SPATS2L: variants seen among roughly 807,000 people sequenced by gnomAD.
SPATS2L encodes SPATS2-like protein.
In SPATS2L, 30 loss-of-function variants were observed where a neutral mutation model predicts 59.6. That is an observed-to-expected ratio of 0.50 (90% confidence interval 0.38 to 0.68). The LOEUF (loss-of-function observed/expected upper bound fraction) is 0.68. Ranked by LOEUF, SPATS2L falls within the 30% of genes least tolerant of loss-of-function variation. The probability of loss-of-function intolerance (pLI) is 0.00; values close to 1 mark genes in which losing one functional copy is unlikely to be tolerated. For synonymous variants in SPATS2L, 252 were observed against 263.5 expected, an observed-to-expected ratio of 0.96 and a Z score of 0.42; for missense variants, 615 against 700.0, an observed-to-expected ratio of 0.88 and a Z score of 1.37.
intron 4 of SPATS2L, among the ~76,000 whole-genome samples, chr2:200,414,916 C>T (rs886307638): frequency 2.6e-5 from 4 of 152,120 alleles, no homozygotes; most frequent in African/African-American, 9.7e-5. Flanking sequence ...GTTGTGAAAG[C>T]AATAAGCAAC....
At position 200,329,320 on chromosome 2, in the gene SPATS2L, C is replaced by T. The variant is rs1424156338; in HGVS notation, c.-72-111C>T. 6 of 890,644 alleles carry T rather than the reference C, an allele frequency of 6.7e-6. No individual in the cohort carries two copies. The East Asian group carries it at 1.1e-4, about 16-fold the overall frequency. 55.2% of individuals were successfully genotyped at this position (890,644 alleles called of 1,614,324 possible). Reference sequence around the variant, plus strand: ...TAAGTCATGGGTGAGGACGAATTCCCTGTCTTCTTGACTCCAGATCCTGTG... The same window carrying T: ...TAAGTCATGGGTGAGGACGAATTCCTTGTCTTCTTGACTCCAGATCCTGTG... On this transcript the variant is annotated intron_variant, in intron 1 of 12. Transcript: ENST00000409140.
Position 200,376,378 on chromosome 2 carries a change from T to C in SPATS2L, c.-22-12845T>C, listed in dbSNP as rs193005634. Among the ~76,000 whole-genome samples the C allele has an allele frequency of 9.2e-5, 14 of 152,358 alleles. No homozygotes were observed. The East Asian group carries it at 2.7e-3, about 29-fold the overall frequency. ...AATAAATGATCAAAATGAGTTTTTA[T>C]TATCTGTGACTGCATTAGAATAAAC... On this transcript the variant is annotated intron_variant, in intron 2 of 12. Transcript: ENST00000409140.
At chr2:200,338,853 C>T (rs558871785) in intron 2 of SPATS2L, among the ~76,000 whole-genome samples, 2 of 152,224 alleles carry the variant, frequency 1.3e-5, no homozygotes, top group Admixed American at 6.5e-5. Context: ...CACTGTCAGT[C>T]GCATAGGAAA....
chr2:200,398,910 A>T (rs1437133094), intron 3 of SPATS2L, among the ~76,000 whole-genome samples: 5 of 152,198 alleles, frequency 3.3e-5, no homozygotes, highest in Admixed American at 2.0e-4. Flanking sequence ...ACCATCTTAA[A>T]GGTCCATGTG....
At chr2:200,310,621 G>A (rs1478020854) in intron 1 of SPATS2L, among the ~76,000 whole-genome samples, 1 of 152,186 alleles carries the variant, frequency 6.6e-6, no homozygotes, top group Non-Finnish European at 1.5e-5. Context: ...GCACCAGAGT[G>A]CAAATACTTT....
intron 8 of SPATS2L, among the ~76,000 whole-genome samples, chr2:200,446,040 C>T (rs1014418767): frequency 4.6e-5 from 7 of 152,192 alleles, no homozygotes; most frequent in Admixed American, 6.5e-5. Flanking sequence ...GATTGTACCA[C>T]GCTTTTAAAA....
chr2:200,474,375 C>T (rs1430791948), intron 12 of SPATS2L, among the ~76,000 whole-genome samples: 5 of 151,598 alleles, frequency 3.3e-5, no homozygotes, highest in African/African-American at 4.8e-5. Context: ...GGCACAATCT[C>T]GGCCCACTGC....
intron 4 of SPATS2L, among the ~76,000 whole-genome samples, chr2:200,415,140 CCAG>C (rs1470460228): frequency 3.9e-4 from 60 of 152,178 alleles, no homozygotes; most frequent in African/African-American, 1.4e-3. Context: ...AAAGACCAAC[CCAG>C]TTAATAAAAA....
Position 200,320,783 on chromosome 2 carries a change from G to GTGCT in SPATS2L, c.-72-8646_-72-8643dup, listed in dbSNP as rs561828325. On this transcript the variant is annotated intron_variant, in intron 1 of 12. Coordinates refer to ENST00000409140, the MANE Select transcript of SPATS2L (RefSeq NM_001100423.2). ...AAATAGCTGTCAAGTAACACATATG[G>GTGCT]TGCTTTCTGTGCTATATTTTATTGT... Among the ~76,000 whole-genome samples the GTGCT allele has an allele frequency of 1.2e-3, 187 of 152,178 alleles. 2 individuals carry two copies. In the South Asian group the frequency reaches 0.039, roughly 31 times the overall value.
chr2:200,467,453 T>C (rs1401053752), intron 10 of SPATS2L, 54 bp downstream of exon 10: 2 of 1,288,892 alleles, frequency 1.6e-6, no homozygotes, highest in Admixed American at 3.5e-5. Context: ...TGATCCCAAT[T>C]ATGTTTGTTT....
chr2:200,360,463 C>A (rs1386830418), intron 2 of SPATS2L, among the ~76,000 whole-genome samples: 1 of 152,226 alleles, frequency 6.6e-6, no homozygotes, highest in African/African-American at 2.4e-5. Context: ...TCTGTCCTCC[C>A]CAACCAGGGG....
chr2:200,329,252 G>GGC (rs2079855688), intron 1 of SPATS2L, among the ~76,000 whole-genome samples, 179 bp from the exon 2 acceptor site: 1 of 152,142 alleles, frequency 6.6e-6, no homozygotes, highest in Admixed American at 6.5e-5. Context: ...AATAAACTGA[G>GGC]GCACAGAGAG....
At chr2:200,451,832 C>CT (rs143607567) in intron 8 of SPATS2L, among the ~76,000 whole-genome samples, 61,584 of 148,344 alleles carry the variant, frequency 0.42, 13,792 homozygotes, top group Non-Finnish European at 0.52. Context: ...TTTCTTTTTT[C>CT]TTTTCTTTTT....
intron 1 of SPATS2L, among the ~76,000 whole-genome samples, chr2:200,312,426 C>CT (rs1445122565): frequency 1.3e-5 from 2 of 152,112 alleles, no homozygotes; most frequent in African/African-American, 4.8e-5. Context: ...GTCTGTAAAG[C>CT]TAGGACCAAT....
chr2:200,378,554 G>A (rs567508235), intron 2 of SPATS2L, among the ~76,000 whole-genome samples: 9 of 152,168 alleles, frequency 5.9e-5, no homozygotes, highest in South Asian at 2.1e-4. Flanking sequence ...TTTTTGTTCC[G>A]CCAGTGCCAG....
chr2:200,449,416 C>G (rs2085291220), intron 8 of SPATS2L, among the ~76,000 whole-genome samples: 1 of 152,234 alleles, frequency 6.6e-6, no homozygotes, highest in Non-Finnish European at 1.5e-5. Context: ...CACTGGCAGT[C>G]AGCTCCGCTG....
intron 2 of SPATS2L, among the ~76,000 whole-genome samples, chr2:200,352,309 GTTTT>G (rs200942556): frequency 3.0e-4 from 14 of 47,366 alleles, no homozygotes; most frequent in African/African-American, 1.6e-3. Context: ...ATAACCAGCA[GTTTT>G]TATATATATA....
intron 9 of SPATS2L, among the ~76,000 whole-genome samples, chr2:200,466,587 G>A (rs762682906): frequency 1.3e-5 from 2 of 152,204 alleles, no homozygotes; most frequent in Non-Finnish European, 2.9e-5. Flanking sequence ...TCTTCTCTAC[G>A]TGTGCAGGTG....
chr2:200,372,546 CCCCCTTTGGCATTTT>C (rs1559075892), intron 2 of SPATS2L, among the ~76,000 whole-genome samples: 1 of 152,110 alleles, frequency 6.6e-6, no homozygotes, highest in Non-Finnish European at 1.5e-5. Flanking sequence ...AATTTTCCTT[CCCCCTTTGGCATTTT>C]TGCCAAGCCA....
Sources: gnomAD v4.1 joint callset for allele counts (sites outside exome capture counted in the v4.1 genomes callset) on GRCh38, gnomAD v4.1.1 for gene constraint, MANE v1.5 for transcripts, NCBI Gene and HGNC (gene_info 2026-07-23, HGNC 2026-07-21) for gene names.